SLC16A1: variants seen among roughly 807,000 people sequenced by gnomAD.
The protein encoded by SLC16A1 is solute carrier family 16 member 1, also known as monocarboxylate transporter 1.
A neutral mutation model predicts 32.2 loss-of-function variants in SLC16A1; 11 were observed. The observed-to-expected ratio is 0.34, with a 90% CI of 0.21 to 0.56. The LOEUF is 0.56. Among genes scored for constraint, SLC16A1 ranks in the 20% least tolerant of loss-of-function variants. The pLI, the probability that SLC16A1 is intolerant of heterozygous loss-of-function variation, is 0.87. For missense variants in SLC16A1, 435 were observed against 615.0 expected (o/e 0.71, Z 3.10); for synonymous variants, 231 against 226.8 (o/e 1.02, Z -0.17).
intron 1 of SLC16A1, among the ~76,000 whole-genome samples, chr1:112,948,510 ATTT>A: frequency 6.8e-6 from 1 of 146,824 alleles, no homozygotes; most frequent in South Asian, 2.2e-4. Context: ...AAAATATACA[ATTT>A]TTTTTTTTTT....
rs765486787 is a variant in SLC16A1, at chr1:112,929,239, T to A, written c.70A>T (p.Ile24Phe). The A allele has an allele frequency of 6.2e-7, 1 of 1,614,124 alleles. No homozygotes were observed. The highest frequency in any genetic ancestry group is 1.1e-5 in the South Asian group (1 of 91,080). The change falls in exon 2 of 5, where the codon ATT becomes TTT. Residue 24 changes from isoleucine (I) to phenylalanine (F), a missense_variant. By Grantham distance (21) the Ile-to-Phe change is conservative (BLOSUM62 0). This residue lies in a region of SLC16A1 where 324 missense variants were observed against 500.3 expected (regional missense o/e 0.65). Coordinates refer to ENST00000369626, the MANE Select transcript of SLC16A1 (RefSeq NM_003051.4). ...PDGGWGWAVV[I>F]GAFISIGFSY... ...AAGCCGATGGAAATGAAAGCTCCAA[T>A]TACCACTGCCCAGCCCCAGCCTCCA... is the stretch of plus-strand genomic sequence containing the variant.
chr1:112,945,173 A>G (rs1349042857), intron 1 of SLC16A1, among the ~76,000 whole-genome samples: 2 of 151,252 alleles, frequency 1.3e-5, no homozygotes, highest in Non-Finnish European at 3.0e-5. Flanking sequence ...TAATTTTTGT[A>G]TTTTTAGTAA....
intron 1 of SLC16A1, among the ~76,000 whole-genome samples, chr1:112,942,548 T>C (rs1261789079): frequency 6.6e-6 from 1 of 152,232 alleles, no homozygotes; most frequent in Non-Finnish European, 1.5e-5. Flanking sequence ...TGGCAATCAA[T>C]GTTTCTGCTA....
intron 2 of SLC16A1, 53 bp from the exon 3 acceptor site, chr1:112,922,186 T>C (rs764377568): frequency 9.1e-6 from 14 of 1,539,532 alleles, no homozygotes; most frequent in Non-Finnish European, 1.3e-5. Flanking sequence ...CCCTCACATC[T>C]ACACAAGTAT....
At chr1:112,946,665 T>C (rs1363425807) in intron 1 of SLC16A1, among the ~76,000 whole-genome samples, 1 of 152,204 alleles carries the variant, frequency 6.6e-6, no homozygotes, top group East Asian at 1.9e-4. Context: ...GCAATTCTCC[T>C]GCCTCAGCCT....
chr1:112,942,014 C>A (rs1187467790), intron 1 of SLC16A1, among the ~76,000 whole-genome samples: 1 of 152,092 alleles, frequency 6.6e-6, no homozygotes. Flanking sequence ...CTTGGTTGCC[C>A]AGGCTAGAGT....
chr1:112,931,502 C>T (rs891304452), intron 1 of SLC16A1, among the ~76,000 whole-genome samples: 9 of 151,686 alleles, frequency 5.9e-5, no homozygotes, highest in African/African-American at 2.2e-4. Flanking sequence ...AAAAATTAGC[C>T]AGGCATGGTG....
chr1:112,936,480 CAAAAAAA>C (rs35673011), intron 1 of SLC16A1, among the ~76,000 whole-genome samples: 2 of 54,894 alleles, frequency 3.6e-5, no homozygotes, highest in African/African-American at 6.6e-5. Context: ...GACTCTGTCT[CAAAAAAA>C]AAAAAAAAAA....
rs920675235 is a variant in SLC16A1 at position 112,911,891 on chromosome 1, C to A, written c.*2000G>T. On this transcript the variant is annotated 3_prime_UTR_variant, in exon 5 of 5. Coordinates refer to ENST00000369626, the MANE Select transcript of SLC16A1 (RefSeq NM_003051.4). The stretch of plus-strand genomic sequence containing the variant: ...TATTTTTTCAGATTTCCTTTACTTA[C>A]ATTCCTTATTCCCTCACCAACAGTA... 3 of 152,232 alleles carry A rather than the reference C, an allele frequency of 2.0e-5. No individual in the cohort carries two copies. The highest frequency in any genetic ancestry group is 7.2e-5 in the African/African-American group (3 of 41,456). 9.4% of individuals were successfully genotyped at this position (152,232 alleles called of 1,614,324 possible). A position where few individuals can be genotyped will look rare whatever the true frequency, so the allele number is the denominator to read the frequency against.
chr1:112,926,594 C>T (rs2101631030), intron 2 of SLC16A1, among the ~76,000 whole-genome samples: 1 of 152,226 alleles, frequency 6.6e-6, no homozygotes, highest in East Asian at 1.9e-4. Context: ...AAATACCAGG[C>T]TAGGCATGGT....
intron 2 of SLC16A1, among the ~76,000 whole-genome samples, chr1:112,925,573 T>C (rs113421758): frequency 0.025 from 3,765 of 151,360 alleles, 164 homozygotes; most frequent in African/African-American, 0.086. Flanking sequence ...GAGACAGGGT[T>C]TTACCATGTT....
intron 2 of SLC16A1, among the ~76,000 whole-genome samples, chr1:112,926,515 A>T (rs987734314): frequency 6.6e-6 from 1 of 152,070 alleles, no homozygotes; most frequent in African/African-American, 2.4e-5. Flanking sequence ...CCCAGGAGGC[A>T]GAAGTTTCAG....
At chr1:112,932,409 T>C (rs540638814) in intron 1 of SLC16A1, among the ~76,000 whole-genome samples, 1 of 152,188 alleles carries the variant, frequency 6.6e-6, no homozygotes, top group African/African-American at 2.4e-5. Context: ...GGTACACATC[T>C]GTAGTCCTAG....
chr1:112,918,030 A>C lies in SLC16A1; in HGVS notation c.376T>G (p.Phe126Val). 6.3e-7 allele frequency: 1 copy of C among 1,580,142 alleles called. No individual in the cohort carries two copies. Residue 126 changes from phenylalanine to valine, a missense_variant, in exon 4 of 5, where the codon TTC (phenylalanine) becomes GTC (valine). Around this residue, in one of 2 missense-constraint regions of SLC16A1, gnomAD observed 324 missense variants for 500.3 expected, o/e 0.65. Coordinates refer to ENST00000369626, the MANE Select transcript of SLC16A1 (RefSeq NM_003051.4). ...IGVIGGLGLA[F>V]NLNPALTMIG... ...ATGGTCAGAGCTGGATTCAAGTTGA[A>C]GGCAAGCCCAAGACCTGTGAAGACA...
At position 112,912,303 on chromosome 1, in the gene SLC16A1, T is replaced by C. The variant is rs1423897877; in HGVS notation, c.*1588A>G. On this transcript the variant is annotated 3_prime_UTR_variant, in exon 5 of 5. Transcript: ENST00000369626. ...CCAAAATGAAACCTGGTAATGAAAATGAAGACACAGCAATATTTTCCTCAA... is the reference window on the plus strand; with the variant it reads ...CCAAAATGAAACCTGGTAATGAAAACGAAGACACAGCAATATTTTCCTCAA... 6.6e-6 allele frequency: 1 copy of C among 152,182 alleles called. No individual in the cohort carries two copies. Among genetic ancestry groups the C allele is most frequent in the Non-Finnish European group, 1.5e-5 (1 of 68,022 alleles). 9.4% of individuals were successfully genotyped at this position (152,182 alleles called of 1,614,324 possible).
chr1:112,924,460 A>ACC, intron 2 of SLC16A1: 1 of 781,442 alleles, frequency 1.3e-6, no homozygotes, highest in Non-Finnish European at 2.2e-6. Context: ...TTGGACAAAA[A>ACC]CCTAACAGTA....
intron 1 of SLC16A1, among the ~76,000 whole-genome samples, chr1:112,939,704 C>T (rs1015536780): frequency 3.3e-5 from 5 of 152,062 alleles, no homozygotes; most frequent in Non-Finnish European, 7.4e-5. Flanking sequence ...GGGGTTTCAC[C>T]ATGTTGGCCA....
At chr1:112,919,094 G>A (rs577959556) in intron 3 of SLC16A1, among the ~76,000 whole-genome samples, 208 of 151,562 alleles carry the variant, frequency 1.4e-3, no homozygotes, top group Non-Finnish European at 2.1e-3. Flanking sequence ...GCAGTGGCGC[G>A]ATCTCGGCTC....
At chr1:112,920,535 G>A (rs1264632107) in intron 3 of SLC16A1, among the ~76,000 whole-genome samples, 1 of 152,182 alleles carries the variant, frequency 6.6e-6, no homozygotes, top group Non-Finnish European at 1.5e-5. Flanking sequence ...GAACCCAGGA[G>A]GCGGAGATTG....
Sources: gnomAD v4.1 joint callset for allele counts (sites outside exome capture counted in the v4.1 genomes callset) on GRCh38, gnomAD v4.1.1 for gene constraint, gnomAD v4.1.1 regional missense constraint, MANE v1.5 for transcripts, NCBI Gene and HGNC (gene_info 2026-07-23, HGNC 2026-07-21) for gene names.